The following STXBP5L variants were observed in gnomAD, a reference collection of about 807,000 sequenced individuals.
STXBP5L encodes the protein syntaxin binding protein 5L.
Under a neutral mutation model 144.5 loss-of-function variants are expected in STXBP5L, and 65 were observed. The ratio of observed to expected loss-of-function variants is 0.45; its 90% CI spans 0.37 to 0.55. STXBP5L has a LOEUF of 0.55. Ranked by LOEUF, STXBP5L falls within the 20% of genes least tolerant of loss-of-function variation. The pLI, the probability that STXBP5L is intolerant of heterozygous loss-of-function variation, is 0.00. For synonymous variants in STXBP5L, 505 were observed against 469.6 expected, an observed-to-expected ratio of 1.08 and a Z score of -0.97; for missense variants, 1,298 against 1,405.5, an observed-to-expected ratio of 0.92 and a Z score of 1.22.
chr3:121,253,456 C>T (rs1485442863), intron 15 of STXBP5L, among the ~76,000 whole-genome samples: 1 of 151,828 alleles, frequency 6.6e-6, no homozygotes, highest in Non-Finnish European at 1.5e-5. Context: ...CCCCTAAATA[C>T]TTCAGTGTGT....
chr3:121,069,607 A>C (rs533799952), intron 5 of STXBP5L, among the ~76,000 whole-genome samples: 4 of 152,244 alleles, frequency 2.6e-5, no homozygotes, highest in African/African-American at 7.2e-5. Flanking sequence ...TTTCTACCAG[A>C]AATATGTAGG....
At chr3:120,934,405 T>C (rs1419183820) in intron 2 of STXBP5L, among the ~76,000 whole-genome samples, 1 of 152,118 alleles carries the variant, frequency 6.6e-6, no homozygotes, top group Non-Finnish European at 1.5e-5. Context: ...AGGTATGTTT[T>C]ATGGCCCAGA....
chr3:120,915,302 C>T (rs889226978), intron 2 of STXBP5L, among the ~76,000 whole-genome samples: 4 of 152,028 alleles, frequency 2.6e-5, no homozygotes, highest in Middle Eastern at 3.2e-3. Flanking sequence ...CCTCATTTGA[C>T]GATGTTCCTG....
chr3:121,055,830 G>A (rs1948419919), intron 5 of STXBP5L, among the ~76,000 whole-genome samples: 1 of 151,044 alleles, frequency 6.6e-6, no homozygotes, highest in Admixed American at 6.6e-5. Flanking sequence ...CTCCTGAGGT[G>A]TGCACTATGA....
At chr3:121,244,887 C>G (rs1158225594) in intron 14 of STXBP5L, among the ~76,000 whole-genome samples, 2 of 152,090 alleles carry the variant, frequency 1.3e-5, no homozygotes, top group African/African-American at 2.4e-5. Context: ...TAAACAAAAA[C>G]TGAAGGAATT....
At chr3:121,291,867 A>G (rs2051452549) in intron 19 of STXBP5L, among the ~76,000 whole-genome samples, 1 of 152,204 alleles carries the variant, frequency 6.6e-6, no homozygotes, top group Non-Finnish European at 1.5e-5. Context: ...GAAAAATGAA[A>G]CTGGATCATC....
chr3:121,333,036 G>A (rs945107968), intron 20 of STXBP5L, among the ~76,000 whole-genome samples: 7 of 152,076 alleles, frequency 4.6e-5, no homozygotes, highest in Non-Finnish European at 8.8e-5. Context: ...AAAGGCTGTG[G>A]GAACTTGCCA....
chr3:121,168,791 C>T (rs1463070021), intron 9 of STXBP5L, among the ~76,000 whole-genome samples: 1 of 152,112 alleles, frequency 6.6e-6, no homozygotes, highest in Non-Finnish European at 1.5e-5. Context: ...AGGAGAACTT[C>T]CCCAATCTAG....
At chr3:120,995,638 T>A (rs2108002136) in intron 3 of STXBP5L, among the ~76,000 whole-genome samples, 1 of 152,278 alleles carries the variant, frequency 6.6e-6, no homozygotes, top group East Asian at 1.9e-4. Flanking sequence ...ATCAACATTT[T>A]TTTTTACTCT....
At chr3:121,261,054 A>G (rs2050367686) in intron 18 of STXBP5L, among the ~76,000 whole-genome samples, 1 of 152,194 alleles carries the variant, frequency 6.6e-6, no homozygotes, top group African/African-American at 2.4e-5. Flanking sequence ...GTTGAGCTCA[A>G]GCCATCTTCT....
At chr3:121,224,488 A>G (rs887091798) in intron 11 of STXBP5L, among the ~76,000 whole-genome samples, 3 of 152,190 alleles carry the variant, frequency 2.0e-5, no homozygotes, top group African/African-American at 7.2e-5. Context: ...ATACAGATAA[A>G]GTATTAAACT....
rs548876982 is a variant in STXBP5L at position 121,061,219 on chromosome 3, T to G, written c.470+15684T>G. ...AAAACATCTTTATTTCTGCCTTAAT[T>G]TTGTTATTTACCCAGTAGTCACTCA... On this transcript the variant is annotated intron_variant, in intron 5 of 26. Coordinates refer to ENST00000471454, the MANE Select transcript of STXBP5L (RefSeq NM_001308330.2). Among the ~76,000 whole-genome samples, 150 of 152,330 alleles carry G rather than the reference T, an allele frequency of 9.8e-4. 1 individual carries two copies. In the Middle Eastern group the frequency reaches 0.014, roughly 14 times the overall value.
chr3:121,025,588 C>T (rs1945868558), intron 3 of STXBP5L, among the ~76,000 whole-genome samples: 1 of 151,872 alleles, frequency 6.6e-6, no homozygotes, highest in Admixed American at 6.6e-5. Context: ...ACTTTATTCA[C>T]TTAAGTTAAT....
Position 121,413,149 on chromosome 3 carries a change from TCCA to T in STXBP5L, c.2949-8_2949-6del. ...CATATGATATATGGATTTACTTTTTTCCATTCAGCCTACCTAGTCTTCGCCCAA... is the reference window on the plus strand; with the variant it reads ...CATATGATATATGGATTTACTTTTTTTTCAGCCTACCTAGTCTTCGCCCAA... On this transcript the variant is annotated splice_region_variant and splice_polypyrimidine_tract_variant and intron_variant, in intron 23 of 26. Transcript: ENST00000471454. 6.4e-7 allele frequency: 1 copy of T among 1,563,066 alleles called. No homozygotes were observed. Among genetic ancestry groups the T allele is most frequent in the Non-Finnish European group, 8.6e-7 (1 of 1,158,324 alleles).
intron 19 of STXBP5L, among the ~76,000 whole-genome samples, chr3:121,289,815 G>C (rs927370215): frequency 6.6e-6 from 1 of 152,112 alleles, no homozygotes; most frequent in Non-Finnish European, 1.5e-5. Flanking sequence ...TGATAGTTGG[G>C]TCAACAATGA....
At position 120,971,859 on chromosome 3, in the gene STXBP5L, C is replaced by T. The variant is rs57251228; in HGVS notation, c.287+16822C>T. 8.1e-3 allele frequency among the ~76,000 whole-genome samples: 1,229 copies of T among 151,386 alleles called. 13 individuals are homozygous for T. Among genetic ancestry groups the T allele is most frequent in the African/African-American group, 0.028 (1,154 of 41,236 alleles). On this transcript the variant is annotated intron_variant, in intron 3 of 26. Coordinates refer to ENST00000471454, the MANE Select transcript of STXBP5L (RefSeq NM_001308330.2). ...ATAATATACTATTATAATATCCATG[C>T]GCACACATGCATGCACACACACACA...
At chr3:121,018,586 A>C (rs1201681196) in intron 3 of STXBP5L, among the ~76,000 whole-genome samples, 1 of 152,010 alleles carries the variant, frequency 6.6e-6, no homozygotes, top group African/African-American at 2.4e-5. Context: ...AATCAACCCA[A>C]AATGGATCAT....
intron 2 of STXBP5L, 114 bp from the exon 3 acceptor site, chr3:120,954,826 C>G (rs1559905809): frequency 1.5e-6 from 1 of 652,252 alleles, no homozygotes; most frequent in African/African-American, 1.9e-5. Context: ...TTGGTGGTAG[C>G]TTTTTTTTTT....
At chr3:121,395,923 C>G (rs2046718728) in intron 22 of STXBP5L, among the ~76,000 whole-genome samples, 1 of 152,170 alleles carries the variant, frequency 6.6e-6, no homozygotes, top group Non-Finnish European at 1.5e-5. Context: ...TCCTCGGGAT[C>G]CTCCCAGAAT....
Sources: allele counts gnomAD v4.1 joint callset (sites outside exome capture counted in the v4.1 genomes callset), GRCh38; gene constraint gnomAD v4.1.1; transcripts MANE v1.5; gene names NCBI Gene and HGNC (gene_info 2026-07-23, HGNC 2026-07-21).